The following MYH9 variants were observed in gnomAD, a reference collection of about 807,000 sequenced individuals.
MYH9 encodes myosin heavy chain 9.
In MYH9, 29 loss-of-function variants were observed where a neutral mutation model predicts 241.9. The ratio of observed to expected loss-of-function variants is 0.12; its 90% confidence interval spans 0.09 to 0.16. The LOEUF is 0.16. Among genes scored for constraint, MYH9 ranks in the 10% least tolerant of loss-of-function variants. The probability of loss-of-function intolerance (pLI) is 1.00; values close to 1 mark genes in which losing one functional copy is unlikely to be tolerated. For synonymous variants in MYH9, 1,047 were observed against 1,062.6 expected (o/e 0.99, Z 0.29); for missense variants, 1,803 against 2,595.5 (o/e 0.69, Z 6.63).
chr22:36,328,073 G>C (rs1025934723), intron 3 of MYH9, among the ~76,000 whole-genome samples: 3 of 152,236 alleles, frequency 2.0e-5, no homozygotes, highest in Admixed American at 2.0e-4. Flanking sequence ...TGGGATAACA[G>C]TACTTGTGTC....
At chr22:36,322,283 G>T in intron 6 of MYH9, 146 bp downstream of exon 6, 1 of 893,362 alleles carries the variant, frequency 1.1e-6, no homozygotes, top group Non-Finnish European at 1.8e-6. Flanking sequence ...CATTCGGTCT[G>T]GCCTAGTCCA....
Position 36,312,160 on chromosome 22 carries a change from G to A in MYH9, c.1617C>T (p.Asp539=). Residue 539 remains aspartate, a synonymous_variant, in exon 14 of 41, where the codon GAC becomes GAT. Transcript: ENST00000216181. The part of the protein sequence containing the change: ...DEECWFPKAT[D]KSFVEKVMQE... The stretch of plus-strand genomic sequence containing the variant: ...GCATCACCTTCTCCACGAAGCTCTT[G>A]TCGGTGGCTTTGGGGAACCAGCACT... 1.2e-6 allele frequency: 2 copies of A among 1,614,210 alleles called. No individual in the cohort carries two copies. The highest frequency in any genetic ancestry group is 3.3e-5 in the Admixed American group (2 of 60,030).
chr22:36,369,149 G>A (rs2018055032), intron 1 of MYH9, among the ~76,000 whole-genome samples: 1 of 152,152 alleles, frequency 6.6e-6, no homozygotes, highest in Non-Finnish European at 1.5e-5. Context: ...TCAATGGCAG[G>A]AGGGATTTTG....
Position 36,285,615 on chromosome 22 carries a change from G to A in MYH9, c.5274+43C>T. On this transcript the variant is annotated intron_variant, in intron 37 of 40. Transcript: ENST00000216181. This position sits in a 1 kb window ranked among gnomAD's most constrained non-coding sequence, Gnocchi z 7.0. Reference sequence around the variant, plus strand: ...GGTCCAAGGCCAGCTCTGCCGTGGTGGCTCCAGCCAGAGCCCAGAGTGGGA... The same window carrying A: ...GGTCCAAGGCCAGCTCTGCCGTGGTAGCTCCAGCCAGAGCCCAGAGTGGGA... The A allele has an allele frequency of 1.2e-6, 2 of 1,610,360 alleles. No homozygotes were observed. Among genetic ancestry groups the A allele is most frequent in the East Asian group, 2.2e-5 (1 of 44,870 alleles).
chr22:36,365,893 A>C (rs2018003068), intron 1 of MYH9, among the ~76,000 whole-genome samples: 1 of 152,188 alleles, frequency 6.6e-6, no homozygotes, highest in Non-Finnish European at 1.5e-5. Flanking sequence ...TCATTTCTAA[A>C]CACACTGGTT....
At chr22:36,294,605 C>G (rs1457319657) in intron 27 of MYH9, among the ~76,000 whole-genome samples, 1 of 152,230 alleles carries the variant, frequency 6.6e-6, no homozygotes, top group African/African-American at 2.4e-5. Context: ...ATTGGTGTTG[C>G]AGATGTTAGC....
At chr22:36,324,011 C>A (rs908513483) in intron 5 of MYH9, among the ~76,000 whole-genome samples, 1 of 152,248 alleles carries the variant, frequency 6.6e-6, no homozygotes, top group Non-Finnish European at 1.5e-5. Flanking sequence ...ATGGCTCCCC[C>A]ACCCACTACG....
Position 36,327,485 on chromosome 22 carries a change from C to T in MYH9, c.494G>A (p.Arg165Gln), listed in dbSNP as rs576081279. Residue 165 changes from arginine to glutamine, a missense_variant, in exon 4 of 41, where the codon CGA (arginine) becomes CAA (glutamine). Transcript: ENST00000216181. ...CGTGCACAAGATGGATTGATCTTCT[C>T]GGTCTGAAACAAAGAAGACATCAGA... ...DTAYRSMMQD[R>Q]EDQSILCTGE... The T allele has an allele frequency of 5.6e-6, 9 of 1,613,968 alleles. No homozygotes were observed. Among genetic ancestry groups the T allele is most frequent in the East Asian group, 4.5e-5 (2 of 44,868 alleles).
intron 10 of MYH9, among the ~76,000 whole-genome samples, chr22:36,319,187 G>A (rs757278237): frequency 1.5e-4 from 23 of 152,292 alleles, no homozygotes; most frequent in African/African-American, 4.1e-4. Context: ...GGGCTGAATC[G>A]GGTGTGGCAA....
At chr22:36,310,383 G>A (rs1389933312) in intron 14 of MYH9, among the ~76,000 whole-genome samples, 2 of 152,128 alleles carry the variant, frequency 1.3e-5, no homozygotes, top group Non-Finnish European at 1.5e-5. Flanking sequence ...TGGGATTACA[G>A]GCATGAGCCC....
At chr22:36,361,317 C>T (rs2017932709) in intron 1 of MYH9, among the ~76,000 whole-genome samples, 1 of 152,192 alleles carries the variant, frequency 6.6e-6, no homozygotes, top group South Asian at 2.1e-4. Context: ...AGAGCCTGCC[C>T]CATCTGCAGG....
chr22:36,286,417 G>A (rs1025552628), intron 35 of MYH9, among the ~76,000 whole-genome samples: 3 of 152,186 alleles, frequency 2.0e-5, no homozygotes, highest in South Asian at 2.1e-4. Flanking sequence ...CGGGCAGGGC[G>A]GCCGAGGGGA....
chr22:36,373,885 T>TAGC (rs2018124929), intron 1 of MYH9, among the ~76,000 whole-genome samples: 1 of 144,316 alleles, frequency 6.9e-6, no homozygotes, highest in African/African-American at 2.7e-5. Context: ...CTTTGCATTA[T>TAGC]AGTAGTAACT....
chr22:36,338,341 A>C (rs2017531079), intron 3 of MYH9, among the ~76,000 whole-genome samples: 1 of 152,110 alleles, frequency 6.6e-6, no homozygotes, highest in Non-Finnish European at 1.5e-5. Context: ...TTCGTCAGTC[A>C]ATGTGGGAGC....
At chr22:36,380,237 G>A (rs1017648984) in intron 1 of MYH9, among the ~76,000 whole-genome samples, 1 of 152,192 alleles carries the variant, frequency 6.6e-6, no homozygotes, top group African/African-American at 2.4e-5. Flanking sequence ...CTCCTCCCAG[G>A]GCCCACACCA....
In MYH9 at chr22:36,318,198, A is replaced by G. The variant is rs755567036; in HGVS notation, c.1227+9T>C. ...AGGCAGCCAGCTGCCCTGGCCCCAG[A>G]GGACATACCTGCTCTTTAGTCTGCG... On this transcript the variant is annotated intron_variant, in intron 11 of 40. Coordinates refer to ENST00000216181, the MANE Select transcript of MYH9 (RefSeq NM_002473.6). The G allele has an allele frequency of 4.3e-6, 7 of 1,612,588 alleles. No individual in the cohort carries two copies. The highest frequency in any genetic ancestry group is 8.5e-7 in the Non-Finnish European group (1 of 1,178,838).
rs548406578 is a variant in MYH9 at position 36,304,269 on chromosome 22, G to A, written c.2230-114C>T. On this transcript the variant is annotated intron_variant, in intron 18 of 40. Coordinates refer to ENST00000216181, the MANE Select transcript of MYH9 (RefSeq NM_002473.6). ...TTCACCCTTCTTCTCACTGGCTGAC[G>A]AGCATCTGGAGAGCAGAAAGCCATC... 1.4e-4 allele frequency: 151 copies of A among 1,116,318 alleles called. No individual in the cohort carries two copies. The South Asian group carries it at 1.7e-3, about 12-fold the overall frequency. 69.2% of individuals were successfully genotyped at this position (1,116,318 alleles called of 1,614,324 possible).
chr22:36,313,887 G>A (rs535033260), intron 13 of MYH9, among the ~76,000 whole-genome samples: 2 of 152,148 alleles, frequency 1.3e-5, no homozygotes, highest in African/African-American at 4.8e-5. Context: ...TAGGGCCCCC[G>A]CCACATATGC....
Position 36,282,588 on chromosome 22 carries a change from G to T in MYH9, c.*80C>A. 1 of 1,282,542 alleles carries T rather than the reference G, an allele frequency of 7.8e-7. No homozygotes were observed. The highest frequency in any genetic ancestry group is 1.2e-5 in the South Asian group (1 of 84,780). The allele number at this position is 1,282,542 out of a possible 1,614,324, so 79.4% of individuals were successfully genotyped here. On this transcript the variant is annotated 3_prime_UTR_variant, in exon 41 of 41. Transcript: ENST00000216181. ...TTCACAGCAGTCCCAAGAAGGTGGG[G>T]AGAGGCGTGCTGCGGGGTCTGGGAA...
Sources: gnomAD v4.1 joint callset for allele counts (sites outside exome capture counted in the v4.1 genomes callset) on GRCh38, gnomAD v4.1.1 for gene constraint, Gnocchi (gnomAD v3.1) non-coding constraint, MANE v1.5 for transcripts, NCBI Gene and HGNC (gene_info 2026-07-23, HGNC 2026-07-21) for gene names.